SMAD3: variants seen among roughly 807,000 people sequenced by gnomAD.
The protein encoded by SMAD3 is MAD homolog 3.
In SMAD3, 12 loss-of-function variants were observed where a neutral mutation model predicts 51.8. The ratio of observed to expected loss-of-function variants is 0.23; its 90% CI spans 0.15 to 0.38. The LOEUF is 0.38. SMAD3 is among the 10% of genes least tolerant of loss of function. SMAD3 has a pLI of 1.00. For missense variants in SMAD3, 294 were observed against 565.6 expected (o/e 0.52, Z 4.87); for synonymous variants, 238 against 227.7 (o/e 1.05, Z -0.41).
intron 5 of SMAD3, among the ~76,000 whole-genome samples, chr15:67,178,145 G>A (rs1326128830): frequency 6.6e-6 from 1 of 152,208 alleles, no homozygotes; most frequent in Admixed American, 6.5e-5. Context: ...TTGGATAAGG[G>A]CTCAGATCTG....
chr15:67,112,476 G>C (rs1240397515), intron 1 of SMAD3, among the ~76,000 whole-genome samples: 1 of 132,204 alleles, frequency 7.6e-6, no homozygotes, highest in Non-Finnish European at 1.6e-5. Flanking sequence ...TTTCTAATTG[G>C]GTTGTCTTTC....
chr15:67,143,484 G>T (rs1961888707), intron 1 of SMAD3, among the ~76,000 whole-genome samples: 1 of 152,190 alleles, frequency 6.6e-6, no homozygotes, highest in South Asian at 2.1e-4. Context: ...GCCCAGGCTG[G>T]AGTACAGTGG....
chr15:67,149,641 A>G (rs899810492), intron 1 of SMAD3, among the ~76,000 whole-genome samples: 1 of 151,958 alleles, frequency 6.6e-6, no homozygotes, highest in Non-Finnish European at 1.5e-5. Flanking sequence ...AATTGCCCCA[A>G]TGAACCAGAA....
At chr15:67,096,201 A>T (rs1476695403) in intron 1 of SMAD3, among the ~76,000 whole-genome samples, 4 of 152,242 alleles carry the variant, frequency 2.6e-5, no homozygotes, top group African/African-American at 9.6e-5. Context: ...ATTGAAAATG[A>T]TGACGGAAGA....
intron 1 of SMAD3, among the ~76,000 whole-genome samples, chr15:67,104,133 G>A (rs1025660234): frequency 3.9e-5 from 6 of 152,086 alleles, no homozygotes; most frequent in African/African-American, 9.7e-5. Flanking sequence ...CAGGATTTTC[G>A]TCTGCCCCCC....
chr15:67,136,752 A>C (rs910406728), intron 1 of SMAD3, among the ~76,000 whole-genome samples: 27 of 152,220 alleles, frequency 1.8e-4, no homozygotes, highest in African/African-American at 5.5e-4. Context: ...AGAAGTAAAG[A>C]GTGAAATTGC....
chr15:67,068,798 GC>G (rs371131786), intron 1 of SMAD3, among the ~76,000 whole-genome samples: 11 of 152,256 alleles, frequency 7.2e-5, no homozygotes, highest in African/African-American at 2.6e-4. Flanking sequence ...AAAACTAAAG[GC>G]CACGTCTTGG....
chr15:67,122,457 G>A (rs575020132), intron 1 of SMAD3, among the ~76,000 whole-genome samples: 22 of 152,266 alleles, frequency 1.4e-4, no homozygotes, highest in East Asian at 7.7e-4. Context: ...ATTTCCTATC[G>A]GGGGATTTAT....
rs116303860 is a variant in SMAD3, at chr15:67,100,774, G to A, written c.206+34414G>A. Among the ~76,000 whole-genome samples the A allele has an allele frequency of 3.1e-3, 478 of 152,236 alleles. 4 individuals are homozygous for A. The highest frequency in any genetic ancestry group is 0.011 in the African/African-American group (465 of 41,522). On this transcript the variant is annotated intron_variant, in intron 1 of 8. Coordinates refer to ENST00000327367, the MANE Select transcript of SMAD3 (RefSeq NM_005902.4). ...GTACACTGAGGCAGAAGAAAGAATG[G>A]GACTTTCCAATCCAGGCTCTACCTT...
chr15:67,121,273 G>A (rs1266868530), intron 1 of SMAD3, among the ~76,000 whole-genome samples: 1 of 152,212 alleles, frequency 6.6e-6, no homozygotes, highest in African/African-American at 2.4e-5. Flanking sequence ...CTCGTTTCCT[G>A]TTGGGCTGTG....
intron 1 of SMAD3, among the ~76,000 whole-genome samples, chr15:67,158,418 C>T (rs1265343802): frequency 4.6e-5 from 7 of 152,212 alleles, no homozygotes; most frequent in South Asian, 2.1e-4. Context: ...GAGATGTCTT[C>T]CCTGTCGTGA....
intron 1 of SMAD3, among the ~76,000 whole-genome samples, chr15:67,145,068 A>C (rs1055175781): frequency 1.3e-5 from 2 of 152,132 alleles, no homozygotes; most frequent in Admixed American, 1.3e-4. Flanking sequence ...GGAGTTGGAA[A>C]TGTACCCTCT....
At chr15:67,077,150 A>G (rs2140200472) in intron 1 of SMAD3, among the ~76,000 whole-genome samples, 1 of 152,170 alleles carries the variant, frequency 6.6e-6, no homozygotes, top group East Asian at 1.9e-4. Context: ...TGTTACCTTG[A>G]TTTGTCTTTA....
chr15:67,144,083 A>G (rs779450291), intron 1 of SMAD3, among the ~76,000 whole-genome samples: 1 of 152,152 alleles, frequency 6.6e-6, no homozygotes, highest in Non-Finnish European at 1.5e-5. Flanking sequence ...AACCATCACC[A>G]GTCAAGATAA....
At chr15:67,178,737 A>G (rs1053888736) in intron 5 of SMAD3, among the ~76,000 whole-genome samples, 1 of 152,004 alleles carries the variant, frequency 6.6e-6, no homozygotes. Context: ...TGTTTAGAAT[A>G]TAGCTTATCT....
intron 1 of SMAD3, among the ~76,000 whole-genome samples, chr15:67,076,188 A>T (rs1281038127): frequency 6.6e-6 from 1 of 152,218 alleles, no homozygotes; most frequent in Non-Finnish European, 1.5e-5. Flanking sequence ...TTGTTGATGT[A>T]AGGCTTGGCA....
intron 1 of SMAD3, among the ~76,000 whole-genome samples, chr15:67,158,014 G>A (rs190886871): frequency 6.6e-5 from 10 of 152,278 alleles, no homozygotes; most frequent in Admixed American, 1.3e-4. Context: ...TAAATGGGGA[G>A]GAGGCCCAAC....
At chr15:67,142,209 C>T (rs1218891672) in intron 1 of SMAD3, among the ~76,000 whole-genome samples, 1 of 150,882 alleles carries the variant, frequency 6.6e-6, no homozygotes, top group African/African-American at 2.4e-5. Flanking sequence ...ACCCCCCCCA[C>T]CATTGTTTCT....
At chr15:67,074,188 A>T (rs1960117805) in intron 1 of SMAD3, among the ~76,000 whole-genome samples, 1 of 152,236 alleles carries the variant, frequency 6.6e-6, no homozygotes, top group African/African-American at 2.4e-5. Context: ...AATCAGTGAA[A>T]TTTAACTACA....
Sources: gnomAD v4.1 joint callset for allele counts (sites outside exome capture counted in the v4.1 genomes callset) on GRCh38, gnomAD v4.1.1 for gene constraint, MANE v1.5 for transcripts, NCBI Gene and HGNC (gene_info 2026-07-23, HGNC 2026-07-21) for gene names.